The following SNX18 variants were observed in gnomAD, a reference collection of about 807,000 sequenced individuals.
The protein encoded by SNX18 is sorting nexin 18, also known as sorting nexin-18.
In SNX18, 35 loss-of-function variants were observed where a neutral mutation model predicts 48.7. The ratio of observed to expected loss-of-function variants is 0.72; its 90% CI spans 0.55 to 0.95. The LOEUF is 0.95. SNX18 is among the 40% of genes least tolerant of loss of function. The pLI is 0.00. For missense variants in SNX18, 824 were observed against 871.0 expected (o/e 0.95, Z 0.68); for synonymous variants, 492 against 384.7 (o/e 1.28, Z -3.26).
chr5:54,625,034 T>C, the SNX18 span, among the ~76,000 whole-genome samples: 1 of 152,210 alleles, frequency 6.6e-6, no homozygotes, highest in African/African-American at 2.4e-5. Flanking sequence ...TCCTTTTATA[T>C]TTTGAAACTT....
Position 54,519,541 on chromosome 5 carries a change from C to G in SNX18, c.1589C>G (p.Ala530Gly). 1 of 1,614,210 alleles carries G rather than the reference C, an allele frequency of 6.2e-7. No homozygotes were observed. The highest frequency in any genetic ancestry group is 8.5e-7 in the Non-Finnish European group (1 of 1,180,038). The change falls in exon 1 of 2, where the codon GCT (alanine) becomes GGT (glycine). Residue 530 changes from alanine (A) to glycine (G), a missense_variant. Transcript: ENST00000381410. Reference protein sequence around the residue: ...DLLALYQGHLANFPDIIHVQK... With the variant: ...DLLALYQGHLGNFPDIIHVQK... Reference sequence around the variant, plus strand: ...TTAGCGCTGTATCAGGGGCATCTGGCTAACTTCCCGGACATCATCCACGTT... The same window carrying G: ...TTAGCGCTGTATCAGGGGCATCTGGGTAACTTCCCGGACATCATCCACGTT...
At chr5:54,647,021 G>A in the SNX18 span, among the ~76,000 whole-genome samples, 1 of 152,112 alleles carries the variant, frequency 6.6e-6, no homozygotes, top group Non-Finnish European at 1.5e-5. Context: ...ATTCGTCATC[G>A]GCTGGAGATT....
At chr5:54,607,745 C>A in the SNX18 span, among the ~76,000 whole-genome samples, 1 of 151,998 alleles carries the variant, frequency 6.6e-6, no homozygotes, top group Non-Finnish European at 1.5e-5. Context: ...CCAGCCTGGA[C>A]AACATAGCAA....
In SNX18 at chr5:54,545,719, A is replaced by G. The variant is rs1272882167; in HGVS notation, c.*2287A>G. 2 of 152,158 alleles carry G rather than the reference A, an allele frequency of 1.3e-5. No homozygotes were observed. The highest frequency in any genetic ancestry group is 1.5e-5 in the Non-Finnish European group (1 of 68,032). 9.4% of individuals were successfully genotyped at this position (152,158 alleles called of 1,614,324 possible). ...GTGTTCATTTTCATCTAAGATCTTTATTCTCTAACGTTCTTGGTCCTATTG... is the reference window on the plus strand; with the variant it reads ...GTGTTCATTTTCATCTAAGATCTTTGTTCTCTAACGTTCTTGGTCCTATTG... On this transcript the variant is annotated 3_prime_UTR_variant, in exon 2 of 2. Transcript: ENST00000381410.
downstream of SNX18, among the ~76,000 whole-genome samples, chr5:54,548,376 T>A (rs1178169269): frequency 6.6e-6 from 1 of 152,198 alleles, no homozygotes; most frequent in East Asian, 1.9e-4. Context: ...TCAGACCTTA[T>A]TTTTGCAGTG....
Position 54,534,583 on chromosome 5 carries a change from T to C in SNX18, c.1622-8596T>C, listed in dbSNP as rs570588154. On this transcript the variant is annotated intron_variant, in intron 1 of 1. Coordinates refer to ENST00000381410, the MANE Select transcript of SNX18 (RefSeq NM_001102575.2). ...TTTTTTTTCTTTCTTTCTTTTTTTT[T>C]CCCCCTGTCTCACTTTGATGGGTCA... Among the ~76,000 whole-genome samples the C allele has an allele frequency of 1.3e-4, 20 of 152,032 alleles. No individual in the cohort carries two copies. In the South Asian group the frequency reaches 3.7e-3, roughly 28 times the overall value.
chr5:54,616,324 G>T, the SNX18 span, among the ~76,000 whole-genome samples: 1 of 152,170 alleles, frequency 6.6e-6, no homozygotes, highest in East Asian at 1.9e-4. Flanking sequence ...ACTCACTGGA[G>T]TGTGTCCATA....
the SNX18 span, among the ~76,000 whole-genome samples, chr5:54,560,402 T>C: frequency 6.6e-6 from 1 of 152,132 alleles, no homozygotes; most frequent in African/African-American, 2.4e-5. Flanking sequence ...ATGTTCTCAC[T>C]TGTAAGTGGG....
the SNX18 span, among the ~76,000 whole-genome samples, chr5:54,618,219 TG>T: frequency 1.3e-5 from 2 of 152,224 alleles, no homozygotes; most frequent in Non-Finnish European, 2.9e-5. Context: ...AAGAAGGATG[TG>T]TTTGCTTCCC....
At chr5:54,636,756 A>G in the SNX18 span, among the ~76,000 whole-genome samples, 1 of 152,262 alleles carries the variant, frequency 6.6e-6, no homozygotes, top group Non-Finnish European at 1.5e-5. Flanking sequence ...TAACATGCAT[A>G]TAACACTTGA....
the SNX18 span, among the ~76,000 whole-genome samples, chr5:54,633,127 T>C: frequency 6.6e-6 from 1 of 152,198 alleles, no homozygotes; most frequent in South Asian, 2.1e-4. Flanking sequence ...AAAAGGCAGA[T>C]TTCTGGTCTC....
At chr5:54,529,594 T>G (rs1212290311) in intron 1 of SNX18, among the ~76,000 whole-genome samples, 1 of 152,108 alleles carries the variant, frequency 6.6e-6, no homozygotes, top group Admixed American at 6.5e-5. Flanking sequence ...ACTTACTACG[T>G]GATAGGCAGT....
chr5:54,645,430 T>C, the SNX18 span: 23 of 152,182 alleles, frequency 1.5e-4, no homozygotes, highest in African/African-American at 5.1e-4. Flanking sequence ...AGATGAGGGG[T>C]CTAAGCCTTC....
At chr5:54,564,741 C>T in the SNX18 span, among the ~76,000 whole-genome samples, 1 of 152,112 alleles carries the variant, frequency 6.6e-6, no homozygotes, top group African/African-American at 2.4e-5. Flanking sequence ...GCCTGTAGTC[C>T]CAGCTACTTG....
chr5:54,550,706 T>C (rs1285035291), downstream of SNX18, among the ~76,000 whole-genome samples: 1 of 152,130 alleles, frequency 6.6e-6, no homozygotes, highest in African/African-American at 2.4e-5. Context: ...GCCTTCAGCC[T>C]CCCGAGTACC....
At chr5:54,523,545 G>A (rs1762071603) in intron 1 of SNX18, among the ~76,000 whole-genome samples, 1 of 152,176 alleles carries the variant, frequency 6.6e-6, no homozygotes, top group Non-Finnish European at 1.5e-5. Context: ...GTAAAATAGT[G>A]TTAAATTGAT....
the SNX18 span, among the ~76,000 whole-genome samples, chr5:54,580,720 T>C: frequency 6.6e-6 from 1 of 152,216 alleles, no homozygotes; most frequent in East Asian, 1.9e-4. Context: ...ATATAGTAAG[T>C]ACCCATCTGT....
intron 1 of SNX18, among the ~76,000 whole-genome samples, chr5:54,535,230 G>A (rs1458910170): frequency 6.6e-6 from 1 of 152,276 alleles, no homozygotes; most frequent in East Asian, 1.9e-4. Context: ...CTGCGAGATG[G>A]CTTACATTGG....
At chr5:54,638,447 G>T in the SNX18 span, among the ~76,000 whole-genome samples, 369 of 152,304 alleles carry the variant, frequency 2.4e-3, 1 homozygote, top group African/African-American at 7.0e-3. Flanking sequence ...GTCACACTAT[G>T]CCTCATCTTT....
Sources: gnomAD v4.1 joint callset for allele counts (sites outside exome capture counted in the v4.1 genomes callset) on GRCh38, gnomAD v4.1.1 for gene constraint, MANE v1.5 for transcripts, NCBI Gene and HGNC (gene_info 2026-07-23, HGNC 2026-07-21) for gene names.